NUDT3: variants seen among roughly 807,000 people sequenced by gnomAD.
The protein encoded by NUDT3 is diphosphoinositol polyphosphate phosphohydrolase 1.
A neutral mutation model predicts 23.6 loss-of-function variants in NUDT3; 9 were observed. The observed-to-expected ratio is 0.38, with a 90% CI of 0.23 to 0.66. The LOEUF is 0.66. Ranked by LOEUF, NUDT3 falls within the 30% of genes least tolerant of loss-of-function variation. The pLI is 0.52. For missense variants in NUDT3, 172 were observed against 218.5 expected (o/e 0.79, Z 1.34); for synonymous variants, 86 against 82.6 (o/e 1.04, Z -0.22).
chr6:34,313,547 A>G (rs1246782795), intron 2 of NUDT3, among the ~76,000 whole-genome samples: 1 of 152,102 alleles, frequency 6.6e-6, no homozygotes, highest in Non-Finnish European at 1.5e-5. Context: ...GACCGTAGCA[A>G]ATGTACTGCT....
Position 34,350,685 on chromosome 6 carries a change from T to A in NUDT3, c.100-8713A>T, listed in dbSNP as rs559424155. Among the ~76,000 whole-genome samples the A allele has an allele frequency of 5.3e-5, 8 of 150,984 alleles. 1 individual carries two copies. In the East Asian group the frequency reaches 7.7e-4, roughly 15 times the overall value. On this transcript the variant is annotated intron_variant, in intron 1 of 4. Coordinates refer to ENST00000607016, the MANE Select transcript of NUDT3 (RefSeq NM_006703.4). ...ATTCTACTATTTTTAATAGTTATTTTAAAAATTTAAAACTATTTTTTTTAG... is the reference window on the plus strand; with the variant it reads ...ATTCTACTATTTTTAATAGTTATTTAAAAAATTTAAAACTATTTTTTTTAG...
chr6:34,354,147 A>T lies in NUDT3; in HGVS notation c.100-12175T>A, dbSNP rs373329935. Among the ~76,000 whole-genome samples, 592 of 151,352 alleles carry T rather than the reference A, an allele frequency of 3.9e-3. 2 individuals carry two copies. The highest frequency in any genetic ancestry group is 0.024 in the Middle Eastern group (7 of 292). The stretch of plus-strand genomic sequence containing the variant: ...TGGCCAGGCTGGTCTCAAACTCCTG[A>T]CCTCAGGTGACCCGCCCGCCTCGGC... On this transcript the variant is annotated intron_variant, in intron 1 of 4. Coordinates refer to ENST00000607016, the MANE Select transcript of NUDT3 (RefSeq NM_006703.4).
chr6:34,342,020 C>T (rs1442298400), intron 1 of NUDT3, 48 bp from the exon 2 acceptor site: 14 of 1,542,946 alleles, frequency 9.1e-6, no homozygotes, highest in Admixed American at 1.8e-5. Flanking sequence ...TTCAAAGACA[C>T]ATCCACACAA....
chr6:34,348,372 C>T (rs551781173), intron 1 of NUDT3, among the ~76,000 whole-genome samples: 92 of 151,958 alleles, frequency 6.1e-4, no homozygotes, highest in African/African-American at 2.1e-3. Context: ...GTTCCAGCTA[C>T]TGGGGAGGCT....
chr6:34,387,585 A>G (rs553554542), intron 1 of NUDT3, among the ~76,000 whole-genome samples: 73 of 151,566 alleles, frequency 4.8e-4, no homozygotes, highest in African/African-American at 1.4e-3. Context: ...CAGTTGTCCT[A>G]GCTGCTTGGG....
intron 1 of NUDT3, among the ~76,000 whole-genome samples, chr6:34,366,456 GAGAA>G (rs1404445072): frequency 8.0e-6 from 1 of 125,332 alleles, no homozygotes; most frequent in Non-Finnish European, 1.6e-5. Flanking sequence ...GAGAGAGAGA[GAGAA>G]AGAGAGAGAG....
intron 1 of NUDT3, among the ~76,000 whole-genome samples, chr6:34,368,583 G>A (rs145960789): frequency 1.8e-3 from 272 of 152,294 alleles, no homozygotes; most frequent in African/African-American, 6.0e-3. Flanking sequence ...TCAACTGGTG[G>A]CTCACAACCT....
In NUDT3 at chr6:34,288,639, C is replaced by G; in HGVS notation, c.*114G>C. On this transcript the variant is annotated 3_prime_UTR_variant, in exon 5 of 5. Coordinates refer to ENST00000607016, the MANE Select transcript of NUDT3 (RefSeq NM_006703.4). ...AATACACCCTTTCTTTGCTGCCCACCATGCCTTATTTGAAAGAGGAGGCCT... is the reference window on the plus strand; with the variant it reads ...AATACACCCTTTCTTTGCTGCCCACGATGCCTTATTTGAAAGAGGAGGCCT... 7.2e-7 allele frequency: 1 copy of G among 1,380,586 alleles called. No homozygotes were observed. The highest frequency in any genetic ancestry group is 2.4e-5 in the East Asian group (1 of 41,406). 85.5% of individuals were successfully genotyped at this position (1,380,586 alleles called of 1,614,324 possible).
intron 2 of NUDT3, among the ~76,000 whole-genome samples, chr6:34,315,909 CT>C (rs1763850507): frequency 6.6e-6 from 1 of 152,210 alleles, no homozygotes; most frequent in African/African-American, 2.4e-5. Context: ...TTTCTTCCTG[CT>C]TTCATAAATC....
intron 2 of NUDT3, among the ~76,000 whole-genome samples, chr6:34,310,476 C>A (rs563301775): frequency 2.8e-4 from 43 of 152,070 alleles, no homozygotes; most frequent in Admixed American, 6.6e-4. Flanking sequence ...TTGCAGTGAG[C>A]TGAGATCATG....
chr6:34,370,330 C>T (rs1764807073), intron 1 of NUDT3, among the ~76,000 whole-genome samples: 1 of 152,182 alleles, frequency 6.6e-6, no homozygotes, highest in Non-Finnish European at 1.5e-5. Context: ...GCCATCAAGG[C>T]CCAGACTCTG....
intron 1 of NUDT3, among the ~76,000 whole-genome samples, chr6:34,380,581 G>A (rs1434289360): frequency 6.6e-6 from 1 of 152,168 alleles, no homozygotes; most frequent in African/African-American, 2.4e-5. Flanking sequence ...ATGAAATCAT[G>A]AAGGATTTTC....
chr6:34,346,493 G>A (rs746045142), intron 1 of NUDT3, among the ~76,000 whole-genome samples: 35 of 152,248 alleles, frequency 2.3e-4, no homozygotes, highest in Non-Finnish European at 3.7e-4. Context: ...GCAAAGAAAA[G>A]GAAACCTCTG....
intron 1 of NUDT3, among the ~76,000 whole-genome samples, chr6:34,390,475 T>A (rs750955046): frequency 6.6e-6 from 1 of 152,102 alleles, no homozygotes; most frequent in African/African-American, 2.4e-5. Context: ...AGTTTGCTTA[T>A]GATCTATAGT....
At chr6:34,369,704 A>G (rs1034196440) in intron 1 of NUDT3, among the ~76,000 whole-genome samples, 2 of 152,240 alleles carry the variant, frequency 1.3e-5, no homozygotes, top group East Asian at 3.8e-4. Context: ...ATGTCACTTC[A>G]GTACAATGAA....
intron 1 of NUDT3, among the ~76,000 whole-genome samples, chr6:34,345,876 C>T (rs975637358): frequency 6.6e-6 from 1 of 152,046 alleles, no homozygotes. Context: ...TCAAGCAATG[C>T]TCCTGCCTCA....
intron 2 of NUDT3, among the ~76,000 whole-genome samples, chr6:34,300,789 A>G (rs1328272395): frequency 6.6e-6 from 1 of 152,224 alleles, no homozygotes; most frequent in Non-Finnish European, 1.5e-5. Flanking sequence ...TATTATTCGT[A>G]GCTGAAAGGT....
intron 1 of NUDT3, among the ~76,000 whole-genome samples, chr6:34,389,209 T>A (rs1765156116): frequency 1.3e-5 from 2 of 152,160 alleles, no homozygotes; most frequent in South Asian, 4.1e-4. Context: ...GGGAGGTAAC[T>A]GGATCATGGG....
At chr6:34,320,641 C>G (rs559377530) in intron 2 of NUDT3, among the ~76,000 whole-genome samples, 10 of 152,122 alleles carry the variant, frequency 6.6e-5, no homozygotes, top group Middle Eastern at 3.4e-3. Context: ...CGAGACCAGC[C>G]CGGTCAACAT....
Sources: gnomAD v4.1 joint callset for allele counts (sites outside exome capture counted in the v4.1 genomes callset) on GRCh38, gnomAD v4.1.1 for gene constraint, MANE v1.5 for transcripts, NCBI Gene and HGNC (gene_info 2026-07-23, HGNC 2026-07-21) for gene names.